SIPA1L1: variants seen among roughly 807,000 people sequenced by gnomAD.
SIPA1L1 encodes signal-induced proliferation-associated 1-like protein 1.
A neutral mutation model predicts 162.7 loss-of-function variants in SIPA1L1; 26 were observed. That is an observed-to-expected ratio of 0.16 (90% CI 0.12 to 0.22). The LOEUF (loss-of-function observed/expected upper bound fraction) is 0.22. SIPA1L1 is among the 10% of genes least tolerant of loss of function. SIPA1L1 has a pLI of 1.00. For missense variants in SIPA1L1, 1,874 were observed against 2,241.0 expected (o/e 0.84, Z 3.31); for synonymous variants, 829 against 837.4 (o/e 0.99, Z 0.17).
At chr14:71,373,805 C>A (rs1404814861) in intron 2 of SIPA1L1, among the ~76,000 whole-genome samples, 2 of 152,032 alleles carry the variant, frequency 1.3e-5, no homozygotes, top group East Asian at 3.8e-4. Context: ...GTGGCTCATG[C>A]CTGTAATTCT....
chr14:71,584,868 A>G (rs1363877355), intron 4 of SIPA1L1, among the ~76,000 whole-genome samples: 1 of 152,102 alleles, frequency 6.6e-6, no homozygotes, highest in African/African-American at 2.4e-5. Flanking sequence ...GTTTAATTCT[A>G]TTGCTTTTTA....
Position 71,585,686 on chromosome 14 carries a change from G to A in SIPA1L1, c.-302-1885G>A, listed in dbSNP as rs534455891. On this transcript the variant is annotated intron_variant, in intron 4 of 23. Transcript: ENST00000381232. Reference sequence around the variant, plus strand: ...TTGTCCTTTTAGAGAATGAATGTTTGGGGAATGAAAGATGATTTATTTGGA... The same window carrying A: ...TTGTCCTTTTAGAGAATGAATGTTTAGGGAATGAAAGATGATTTATTTGGA... 3.8e-4 allele frequency among the ~76,000 whole-genome samples: 58 copies of A among 152,276 alleles called. No homozygotes were observed. In the South Asian group the frequency reaches 0.012, roughly 31 times the overall value.
At chr14:71,420,456 A>G (rs1409434712) in intron 2 of SIPA1L1, among the ~76,000 whole-genome samples, 1 of 152,226 alleles carries the variant, frequency 6.6e-6, no homozygotes, top group Non-Finnish European at 1.5e-5. Context: ...TTTTTAGGTA[A>G]CCAAAGCAAC....
At chr14:71,573,433 A>G (rs777131246) in intron 4 of SIPA1L1, 29 of 379,580 alleles carry the variant, frequency 7.6e-5, no homozygotes, top group Non-Finnish European at 1.4e-4. Context: ...TGGGTGGCGC[A>G]TCAGAAAACT....
At chr14:71,382,758 A>G (rs576810676) in intron 2 of SIPA1L1, among the ~76,000 whole-genome samples, 8 of 152,322 alleles carry the variant, frequency 5.3e-5, no homozygotes, top group Admixed American at 3.3e-4. Context: ...TATTTGTTCA[A>G]CAGCAAATAT....
At position 71,589,066 on chromosome 14, in the gene SIPA1L1, C is replaced by T; in HGVS notation, c.1194C>T (p.Leu398=). 4 of 1,614,080 alleles carry T rather than the reference C, an allele frequency of 2.5e-6. No individual in the cohort carries two copies. The highest frequency in any genetic ancestry group is 1.3e-5 in the African/African-American group (1 of 75,046). Residue 398 remains leucine (L), a synonymous_variant, in exon 5 of 24, where the codon CTC becomes CTT. Coordinates refer to ENST00000381232, the MANE Select transcript of SIPA1L1 (RefSeq NM_001386936.1). The stretch of plus-strand genomic sequence containing the variant: ...AGGACCTGAATTCCAAAGGAAGCCT[C>T]AGCATGGACCAGGGAGATGATAAAA... The part of the protein sequence containing the change: ...STEDLNSKGS[L]SMDQGDDKSN...
At chr14:71,495,063 TA>T (rs1271157278) in intron 2 of SIPA1L1, among the ~76,000 whole-genome samples, 1 of 152,232 alleles carries the variant, frequency 6.6e-6, no homozygotes, top group Non-Finnish European at 1.5e-5. Context: ...TTTTTGTTTG[TA>T]AATTCTTGAG....
At chr14:71,477,153 C>T (rs921703376) in intron 2 of SIPA1L1, among the ~76,000 whole-genome samples, 2 of 152,018 alleles carry the variant, frequency 1.3e-5, no homozygotes, top group Non-Finnish European at 2.9e-5. Context: ...CTCAGCTACT[C>T]GGGAGGCTGA....
intron 4 of SIPA1L1, among the ~76,000 whole-genome samples, chr14:71,579,056 A>C (rs1431456930): frequency 6.6e-6 from 1 of 152,218 alleles, no homozygotes; most frequent in Non-Finnish European, 1.5e-5. Context: ...TTATTTTAGG[A>C]ATACAGTATG....
rs1229705937 is a variant in SIPA1L1, at chr14:71,574,079, A to T, written c.-302-13492A>T. On this transcript the variant is annotated intron_variant, in intron 4 of 23. Transcript: ENST00000381232. Reference sequence around the variant, plus strand: ...TGATTTATTTAAAGTAGAAATTTTGATTTCTACAACAAAAATCTTGATTTT... The same window carrying T: ...TGATTTATTTAAAGTAGAAATTTTGTTTTCTACAACAAAAATCTTGATTTT... 3 of 186,180 alleles carry T rather than the reference A, an allele frequency of 1.6e-5. No homozygotes were observed. The East Asian group carries it at 4.5e-4, about 28-fold the overall frequency. 11.5% of individuals were successfully genotyped at this position (186,180 alleles called of 1,614,324 possible). A position where few individuals can be genotyped will look rare whatever the true frequency, so the allele number is the denominator to read the frequency against.
intron 2 of SIPA1L1, among the ~76,000 whole-genome samples, chr14:71,435,751 G>A (rs1479212946): frequency 5.9e-5 from 9 of 152,212 alleles, no homozygotes; most frequent in Non-Finnish European, 1.3e-4. Flanking sequence ...GAATCGCCAT[G>A]CTGTCCTCCA....
At chr14:71,335,388 A>T (rs2034988171) in intron 2 of SIPA1L1, among the ~76,000 whole-genome samples, 1 of 152,110 alleles carries the variant, frequency 6.6e-6, no homozygotes, top group South Asian at 2.1e-4. Flanking sequence ...AAACACTATC[A>T]CTCTTCACTG....
chr14:71,608,016 T>C (rs1388944187), intron 5 of SIPA1L1, among the ~76,000 whole-genome samples: 3 of 152,194 alleles, frequency 2.0e-5, no homozygotes, highest in Non-Finnish European at 4.4e-5. Context: ...GCCCTGAAAT[T>C]AGGTGCTCAA....
chr14:71,550,469 A>C (rs1157073170), intron 4 of SIPA1L1, among the ~76,000 whole-genome samples: 2 of 152,108 alleles, frequency 1.3e-5, no homozygotes, highest in African/African-American at 4.8e-5. Context: ...ATTTTCTGGT[A>C]AGATCTGGAA....
At chr14:71,542,704 CCCTCCTCCT>C (rs147003051) in intron 4 of SIPA1L1, among the ~76,000 whole-genome samples, 7 of 105,862 alleles carry the variant, frequency 6.6e-5, no homozygotes, top group Non-Finnish European at 9.5e-5. Flanking sequence ...TTCTCCTCCT[CCCTCCTCCT>C]CCTCCTCCTC....
chr14:71,608,720 C>T (rs892341771), intron 5 of SIPA1L1, among the ~76,000 whole-genome samples: 2 of 152,012 alleles, frequency 1.3e-5, no homozygotes, highest in African/African-American at 4.8e-5. Context: ...CGTGGTGAAA[C>T]CCCGTCTCTA....
At chr14:71,346,407 T>C (rs774431226) in intron 2 of SIPA1L1, among the ~76,000 whole-genome samples, 13 of 152,194 alleles carry the variant, frequency 8.5e-5, no homozygotes, top group Non-Finnish European at 1.5e-4. Context: ...ACTGGCTATT[T>C]TATTCTGGGG....
intron 2 of SIPA1L1, among the ~76,000 whole-genome samples, chr14:71,334,369 A>T (rs1273568961): frequency 6.6e-6 from 1 of 152,146 alleles, no homozygotes; most frequent in African/African-American, 2.4e-5. Flanking sequence ...GCCACATTGT[A>T]TTGTGGAAAG....
intron 2 of SIPA1L1, among the ~76,000 whole-genome samples, chr14:71,456,655 A>G (rs1402397011): frequency 6.6e-6 from 1 of 152,268 alleles, no homozygotes; most frequent in Non-Finnish European, 1.5e-5. Flanking sequence ...TTATTTTCAG[A>G]CAAAACAGAA....
Sources: allele counts gnomAD v4.1 joint callset (sites outside exome capture counted in the v4.1 genomes callset), GRCh38; gene constraint gnomAD v4.1.1; transcripts MANE v1.5; gene names NCBI Gene and HGNC (gene_info 2026-07-23, HGNC 2026-07-21).